CNTN4: variants seen among roughly 807,000 people sequenced by gnomAD.
The protein encoded by CNTN4 is contactin 4.
In CNTN4, 77 loss-of-function variants were observed where a neutral mutation model predicts 122.5. The ratio of observed to expected loss-of-function variants is 0.63; its 90% confidence interval spans 0.52 to 0.76. The LOEUF (loss-of-function observed/expected upper bound fraction) is 0.76. CNTN4 is among the 30% of genes least tolerant of loss of function. The pLI is 0.00. For synonymous variants in CNTN4, 512 were observed against 447.0 expected (o/e 1.15, Z -1.83); for missense variants, 1,256 against 1,259.1 (o/e 1.00, Z 0.04).
chr3:2,961,138 G>A (rs552608955), intron 13 of CNTN4, among the ~76,000 whole-genome samples: 40 of 140,210 alleles, frequency 2.9e-4, no homozygotes, highest in African/African-American at 8.8e-4. Context: ...GCTGAGGCAG[G>A]AGAATGGCGT....
chr3:2,950,446 T>G (rs1269309902), intron 13 of CNTN4, among the ~76,000 whole-genome samples: 1 of 152,216 alleles, frequency 6.6e-6, no homozygotes, highest in African/African-American at 2.4e-5. Flanking sequence ...TATAAGCATC[T>G]TGTGCTCAGC....
intron 3 of CNTN4, among the ~76,000 whole-genome samples, chr3:2,394,595 C>T (rs564763150): frequency 6.6e-6 from 1 of 152,120 alleles, no homozygotes; most frequent in East Asian, 1.9e-4. Context: ...GGATGTGGAG[C>T]AACTAGAACT....
intron 2 of CNTN4, among the ~76,000 whole-genome samples, chr3:2,305,096 A>T (rs544173107): frequency 6.6e-6 from 1 of 152,080 alleles, no homozygotes; most frequent in Non-Finnish European, 1.5e-5. Flanking sequence ...TATTCATTTT[A>T]TGCTCAGAGC....
chr3:2,369,934 C>A (rs17013376), intron 3 of CNTN4, among the ~76,000 whole-genome samples: 1 of 152,010 alleles, frequency 6.6e-6, no homozygotes, highest in African/African-American at 2.4e-5. Context: ...CTGTCACCAT[C>A]GTTTTGATAC....
intron 2 of CNTN4, among the ~76,000 whole-genome samples, chr3:2,234,980 T>C (rs973180284): frequency 3.3e-5 from 5 of 152,158 alleles, no homozygotes; most frequent in Non-Finnish European, 7.3e-5. Flanking sequence ...GTTTATTTTT[T>C]TGGGGAAAAA....
intron 2 of CNTN4, among the ~76,000 whole-genome samples, chr3:2,321,900 A>G (rs537457066): frequency 5.0e-4 from 76 of 152,280 alleles, no homozygotes; most frequent in African/African-American, 1.8e-3. Flanking sequence ...TTCAAAATAT[A>G]GTAGTATTTG....
intron 2 of CNTN4, among the ~76,000 whole-genome samples, chr3:2,111,869 T>C (rs1413610440): frequency 4.6e-5 from 7 of 152,142 alleles, no homozygotes; most frequent in Non-Finnish European, 8.8e-5. Context: ...TTCAATATGA[T>C]GCTTGTGTTG....
At chr3:2,864,334 AT>A (rs2093700558) in intron 7 of CNTN4, among the ~76,000 whole-genome samples, 1 of 152,054 alleles carries the variant, frequency 6.6e-6, no homozygotes, top group Admixed American at 6.6e-5. Context: ...AGCAGATGCC[AT>A]TTTCCCAATA....
intron 3 of CNTN4, among the ~76,000 whole-genome samples, chr3:2,344,338 T>G (rs1270815644): frequency 1.3e-5 from 2 of 151,554 alleles, no homozygotes; most frequent in African/African-American, 4.9e-5. Flanking sequence ...TGCAGTGGTG[T>G]GATCTCGGCT....
intron 2 of CNTN4, among the ~76,000 whole-genome samples, chr3:2,224,176 C>G (rs2039173323): frequency 1.3e-5 from 2 of 152,258 alleles, no homozygotes; most frequent in South Asian, 2.1e-4. Context: ...CTTAGAATTA[C>G]CAGCCAAATG....
intron 6 of CNTN4, among the ~76,000 whole-genome samples, chr3:2,798,546 G>A (rs2092267395): frequency 6.6e-6 from 1 of 152,106 alleles, no homozygotes; most frequent in African/African-American, 2.4e-5. Flanking sequence ...GTCACACTCT[G>A]TCACCCAGGA....
At position 3,037,243 on chromosome 3, in the gene CNTN4, A is replaced by C; in HGVS notation, c.2007A>C (p.Glu669Asp). Residue 669 changes from glutamate (E) to aspartate (D), a missense_variant, in exon 18 of 25, where the codon GAA becomes GAC. By Grantham distance (45) the Glu-to-Asp change is conservative. Transcript: ENST00000418658. ...ATVVGLNPWV[E>D]YEFRTVAANV... Reference sequence around the variant, plus strand: ...TGGTGGGTTTGAACCCTTGGGTTGAATATGAATTCCGCACAGTTGCAGCCA... The same window carrying C: ...TGGTGGGTTTGAACCCTTGGGTTGACTATGAATTCCGCACAGTTGCAGCCA... 6.2e-7 allele frequency: 1 copy of C among 1,614,214 alleles called. No homozygotes were observed. Among genetic ancestry groups the C allele is most frequent in the Non-Finnish European group, 8.5e-7 (1 of 1,180,040 alleles).
chr3:2,768,243 G>A (rs1040970186), intron 6 of CNTN4, among the ~76,000 whole-genome samples: 3 of 152,138 alleles, frequency 2.0e-5, no homozygotes, highest in African/African-American at 4.8e-5. Flanking sequence ...CACATCACAA[G>A]CATCTTCCTC....
intron 7 of CNTN4, among the ~76,000 whole-genome samples, chr3:2,834,297 G>A (rs2093167937): frequency 6.6e-6 from 1 of 152,142 alleles, no homozygotes; most frequent in Non-Finnish European, 1.5e-5. Flanking sequence ...AGGCATAGTG[G>A]CTCACGCCTG....
chr3:2,141,391 G>A (rs1257556014), intron 2 of CNTN4, among the ~76,000 whole-genome samples: 1 of 152,076 alleles, frequency 6.6e-6, no homozygotes, highest in Non-Finnish European at 1.5e-5. Flanking sequence ...AGGACCATAA[G>A]CCAAGGATCA....
At chr3:2,977,138 T>C (rs1693497473) in intron 13 of CNTN4, among the ~76,000 whole-genome samples, 1 of 152,218 alleles carries the variant, frequency 6.6e-6, no homozygotes, top group South Asian at 2.1e-4. Context: ...TTCTTGGGCA[T>C]TGTATTCCAA....
At chr3:2,155,744 C>T (rs2035690999) in intron 2 of CNTN4, among the ~76,000 whole-genome samples, 1 of 152,126 alleles carries the variant, frequency 6.6e-6, no homozygotes, top group South Asian at 2.1e-4. Context: ...TCTTCGCTTC[C>T]TCCAACACAG....
At chr3:2,617,360 T>C (rs2081801319) in intron 4 of CNTN4, among the ~76,000 whole-genome samples, 1 of 151,724 alleles carries the variant, frequency 6.6e-6, no homozygotes, top group African/African-American at 2.4e-5. Flanking sequence ...AAGAAGACAT[T>C]TATGTAGCCA....
At chr3:2,236,326 C>G (rs1381373246) in intron 2 of CNTN4, among the ~76,000 whole-genome samples, 3 of 152,140 alleles carry the variant, frequency 2.0e-5, no homozygotes, top group African/African-American at 4.8e-5. Context: ...ACTTTACTTC[C>G]TTATCTGTGA....
Sources: gnomAD v4.1 joint callset for allele counts (sites outside exome capture counted in the v4.1 genomes callset) on GRCh38, gnomAD v4.1.1 for gene constraint, MANE v1.5 for transcripts, NCBI Gene and HGNC (gene_info 2026-07-23, HGNC 2026-07-21) for gene names.